AVL9: variants seen among roughly 807,000 people sequenced by gnomAD.
The protein encoded by AVL9 is late secretory pathway protein AVL9 homolog.
Under a neutral mutation model 79.2 loss-of-function variants are expected in AVL9, and 49 were observed. The observed-to-expected ratio is 0.62, with a 90% CI of 0.49 to 0.79. The LOEUF (loss-of-function observed/expected upper bound fraction) is 0.79, where lower values mean the gene tolerates loss of function less well. Ranked by LOEUF, AVL9 falls within the 30% of genes least tolerant of loss-of-function variation. AVL9 has a pLI of 0.00. For missense variants in AVL9, 682 were observed against 776.8 expected, an observed-to-expected ratio of 0.88 and a Z score of 1.45; for synonymous variants, 299 against 280.6, an observed-to-expected ratio of 1.07 and a Z score of -0.65.
intron 1 of AVL9, among the ~76,000 whole-genome samples, chr7:32,502,406 A>AAAAAAAAG (rs201243248): frequency 0.048 from 6,700 of 139,306 alleles, 275 homozygotes; most frequent in Non-Finnish European, 0.074. Flanking sequence ...AAAAAAAAAA[A>AAAAAAAAG]AAAGAAAGAA....
At chr7:32,547,567 C>G (rs2128136163) in intron 3 of AVL9, among the ~76,000 whole-genome samples, 1 of 152,304 alleles carries the variant, frequency 6.6e-6, no homozygotes, top group South Asian at 2.1e-4. Context: ...CTCTGCATAG[C>G]CTTTAAATAC....
Position 32,559,305 on chromosome 7 carries a change from A to G in AVL9, c.1056A>G (p.Ser352=), listed in dbSNP as rs1176846774. 6.2e-7 allele frequency: 1 copy of G among 1,614,220 alleles called. No individual in the cohort carries two copies. The highest frequency in any genetic ancestry group is 1.7e-5 in the Admixed American group (1 of 60,022). ...PNLKEREQLG[S]DQTNLFPKDS... is the part of the protein sequence containing the mutation. ...TGAAAGAAAGGGAACAGCTGGGATC[A>G]GACCAGACAAATTTGTTTCCAAAGG... The change falls in exon 10 of 16, where the codon TCA becomes TCG. Residue 352 remains serine (S), a synonymous_variant. Coordinates refer to ENST00000318709, the MANE Select transcript of AVL9 (RefSeq NM_015060.3).
chr7:32,540,916 T>G (rs1474929365), intron 1 of AVL9, among the ~76,000 whole-genome samples: 1 of 75,098 alleles, frequency 1.3e-5, no homozygotes, highest in Non-Finnish European at 2.4e-5. Context: ...TTTTTTTTTT[T>G]GAGACGGAGT....
chr7:32,510,677 A>C (rs1787629038), intron 1 of AVL9, among the ~76,000 whole-genome samples: 1 of 138,264 alleles, frequency 7.2e-6, no homozygotes, highest in African/African-American at 2.6e-5. Flanking sequence ...GTGAGCCGTC[A>C]GGTCTGGTTG....
chr7:32,580,286 G>A lies in AVL9; in HGVS notation c.1742+14G>A. ...AAGGTTCTCACAGTAAGTACTTAGA[G>A]AAAATACTGGGAAAATTCTTAAGTC... On this transcript the variant is annotated intron_variant, in intron 14 of 15. Coordinates refer to ENST00000318709, the MANE Select transcript of AVL9 (RefSeq NM_015060.3). 1 of 1,596,194 alleles carries A rather than the reference G, an allele frequency of 6.3e-7. No individual in the cohort carries two copies. The highest frequency in any genetic ancestry group is 1.7e-4 in the Middle Eastern group (1 of 5,942).
intron 1 of AVL9, among the ~76,000 whole-genome samples, chr7:32,525,373 G>GT (rs201052431): frequency 0.01 from 1,527 of 152,270 alleles, 80 homozygotes; most frequent in Admixed American, 0.086. Context: ...TTTAGGTAAA[G>GT]TTCCAACAAA....
intron 8 of AVL9, 142 bp from the exon 9 acceptor site, chr7:32,558,417 A>G (rs1301428892): frequency 3.5e-6 from 2 of 563,446 alleles, no homozygotes; most frequent in South Asian, 4.7e-5. Context: ...CGGCCTCCCA[A>G]AGTGCTGGGA....
At chr7:32,499,973 C>T (rs975953060) in intron 1 of AVL9, among the ~76,000 whole-genome samples, 2 of 152,192 alleles carry the variant, frequency 1.3e-5, no homozygotes, top group African/African-American at 4.8e-5. Flanking sequence ...GTATGTACCA[C>T]ATTTTCTTTA....
chr7:32,506,616 T>C (rs924918950), intron 1 of AVL9, among the ~76,000 whole-genome samples: 27 of 152,086 alleles, frequency 1.8e-4, no homozygotes, highest in Admixed American at 4.6e-4. Context: ...ACTGGAGCCA[T>C]TGAAAATGAA....
At position 32,583,910 on chromosome 7, in the gene AVL9, A is replaced by C; in HGVS notation, c.*3A>C. ...AGCCACCAGATGAGAAGCCTTGAGC[A>C]AGGCGTCAGAGGCTGCTATTGCTTT... On this transcript the variant is annotated 3_prime_UTR_variant, in exon 16 of 16. Coordinates refer to ENST00000318709, the MANE Select transcript of AVL9 (RefSeq NM_015060.3). 6.2e-7 allele frequency: 1 copy of C among 1,606,638 alleles called. No homozygotes were observed. The highest frequency in any genetic ancestry group is 8.5e-7 in the Non-Finnish European group (1 of 1,173,290).
At chr7:32,581,086 A>G (rs1791483595) in intron 15 of AVL9, 196 bp downstream of exon 15, 2 of 537,438 alleles carry the variant, frequency 3.7e-6, no homozygotes, top group African/African-American at 1.9e-5. Context: ...ATTATCTAAT[A>G]GAGAGTGACA....
At chr7:32,567,366 T>C (rs1337005760) in intron 10 of AVL9, among the ~76,000 whole-genome samples, 1 of 152,176 alleles carries the variant, frequency 6.6e-6, no homozygotes, top group East Asian at 1.9e-4. Flanking sequence ...CCTCCCAAAG[T>C]GCTGGGATTA....
chr7:32,534,325 G>A (rs1177454371), intron 1 of AVL9: 1 of 151,976 alleles, frequency 6.6e-6, no homozygotes, highest in Non-Finnish European at 1.5e-5. Flanking sequence ...TTTAGTAGCA[G>A]CCTTTCTGGG....
intron 1 of AVL9, among the ~76,000 whole-genome samples, chr7:32,515,477 C>T (rs1787867430): frequency 6.6e-6 from 1 of 152,160 alleles, no homozygotes; most frequent in Non-Finnish European, 1.5e-5. Flanking sequence ...AACTCCTTTT[C>T]TAGAGTTTTA....
intron 8 of AVL9, among the ~76,000 whole-genome samples, chr7:32,556,807 C>G (rs751312774): frequency 9.2e-5 from 14 of 151,906 alleles, no homozygotes; most frequent in Non-Finnish European, 1.5e-4. Context: ...GCTCTGTTGC[C>G]CAGGCTAGAG....
intron 1 of AVL9, among the ~76,000 whole-genome samples, chr7:32,503,451 G>C (rs1299162667): frequency 6.8e-6 from 1 of 147,292 alleles, no homozygotes; most frequent in Non-Finnish European, 1.5e-5. Context: ...CCAGCTACTC[G>C]GGAGGCTGAG....
intron 10 of AVL9, among the ~76,000 whole-genome samples, chr7:32,568,566 A>T (rs1286358472): frequency 6.6e-6 from 1 of 152,164 alleles, no homozygotes; most frequent in African/African-American, 2.4e-5. Context: ...ATGGATGAAC[A>T]TTTATTTAGT....
chr7:32,552,196 T>A, intron 5 of AVL9, 33 bp from the exon 6 acceptor site: 1 of 1,315,692 alleles, frequency 7.6e-7, no homozygotes, highest in Non-Finnish European at 1.1e-6. Flanking sequence ...AAAATGATAG[T>A]AAAATGTGCT....
At chr7:32,532,924 G>A (rs2392071) in intron 1 of AVL9, 52,045 of 152,140 alleles carry the variant, frequency 0.34, 9,318 homozygotes, top group Middle Eastern at 0.48. Context: ...GCTGAAGTGG[G>A]AGGACCACTT....
Sources: allele counts gnomAD v4.1 joint callset (sites outside exome capture counted in the v4.1 genomes callset), GRCh38; gene constraint gnomAD v4.1.1; transcripts MANE v1.5; gene names NCBI Gene and HGNC (gene_info 2026-07-23, HGNC 2026-07-21).